DCC: variants seen among roughly 807,000 people sequenced by gnomAD.
The protein encoded by DCC is netrin receptor DCC.
A neutral mutation model predicts 172.5 loss-of-function variants in DCC; 58 were observed. The ratio of observed to expected loss-of-function variants is 0.34; its 90% CI spans 0.27 to 0.42. The LOEUF (loss-of-function observed/expected upper bound fraction) is 0.42, where lower values mean the gene tolerates loss of function less well. DCC is among the 10% of genes least tolerant of loss of function. DCC has a pLI of 1.00. For missense variants in DCC, 1,740 were observed against 1,791.0 expected, an observed-to-expected ratio of 0.97 and a Z score of 0.51; for synonymous variants, 709 against 644.5, an observed-to-expected ratio of 1.10 and a Z score of -1.52.
chr18:53,086,013 C>CTTATTATTATTATTATTA, intron 7 of DCC, among the ~76,000 whole-genome samples: 1 of 16,370 alleles, frequency 6.1e-5, no homozygotes, highest in South Asian at 1.3e-3. Context: ...TCTCCTTCTC[C>CTTATTATTATTATTATTA]TTCTCCCTCT....
At chr18:53,403,479 G>A (rs1909452396) in intron 19 of DCC, among the ~76,000 whole-genome samples, 1 of 152,122 alleles carries the variant, frequency 6.6e-6, no homozygotes, top group Non-Finnish European at 1.5e-5. Context: ...TAACATCAAT[G>A]CCTAATTAAA....
intron 6 of DCC, among the ~76,000 whole-genome samples, chr18:53,064,992 T>C (rs1309296492): frequency 6.6e-6 from 1 of 152,222 alleles, no homozygotes; most frequent in Non-Finnish European, 1.5e-5. Context: ...CCAATTTAAA[T>C]TCTTCTTTTA....
chr18:53,376,970 A>G (rs913201778), intron 15 of DCC, among the ~76,000 whole-genome samples: 3 of 152,272 alleles, frequency 2.0e-5, no homozygotes, highest in Admixed American at 1.3e-4. Context: ...GACAATTGCA[A>G]TAGCTTCTGT....
intron 5 of DCC, among the ~76,000 whole-genome samples, chr18:53,010,041 A>G (rs2041705880): frequency 6.6e-6 from 1 of 151,992 alleles, no homozygotes; most frequent in Non-Finnish European, 1.5e-5. Flanking sequence ...CTCAAAATTG[A>G]TTAGACCCAC....
At chr18:52,906,715 C>T (rs748405257) in intron 3 of DCC, among the ~76,000 whole-genome samples, 1 of 151,646 alleles carries the variant, frequency 6.6e-6, no homozygotes, top group Non-Finnish European at 1.5e-5. Context: ...AAATTTGCAA[C>T]GTTAAGAACA....
intron 1 of DCC, among the ~76,000 whole-genome samples, chr18:52,494,927 A>G (rs1029261403): frequency 2.0e-5 from 3 of 152,096 alleles, no homozygotes; most frequent in African/African-American, 7.2e-5. Context: ...TTGAGCATCC[A>G]CTGTCTTCCT....
At chr18:52,908,232 C>A (rs138026867) in intron 3 of DCC, among the ~76,000 whole-genome samples, 3 of 152,164 alleles carry the variant, frequency 2.0e-5, no homozygotes, top group Non-Finnish European at 4.4e-5. Context: ...TTTCCAGGTG[C>A]TTTAATGAGG....
chr18:53,252,743 C>A (rs1003665916), intron 12 of DCC, among the ~76,000 whole-genome samples: 1 of 151,880 alleles, frequency 6.6e-6, no homozygotes, highest in Non-Finnish European at 1.5e-5. Context: ...GAGCGGAGCA[C>A]ATAAAAGACC....
chr18:52,869,141 G>T (rs1426344085), intron 2 of DCC, among the ~76,000 whole-genome samples: 1 of 152,238 alleles, frequency 6.6e-6, no homozygotes, highest in Non-Finnish European at 1.5e-5. Flanking sequence ...AACTGTTAGT[G>T]TTATAGCTCT....
At chr18:53,028,384 C>T (rs2041985566) in intron 5 of DCC, among the ~76,000 whole-genome samples, 1 of 152,084 alleles carries the variant, frequency 6.6e-6, no homozygotes, top group African/African-American at 2.4e-5. Context: ...CCTGTCCCCC[C>T]AGCTAAACAG....
At chr18:52,581,820 T>C (rs2033557437) in intron 1 of DCC, among the ~76,000 whole-genome samples, 1 of 152,170 alleles carries the variant, frequency 6.6e-6, no homozygotes, top group Non-Finnish European at 1.5e-5. Flanking sequence ...TCTTTGGAAG[T>C]TGCACTAACA....
chr18:53,419,309 G>T (rs1910496626), intron 21 of DCC, among the ~76,000 whole-genome samples: 1 of 151,916 alleles, frequency 6.6e-6, no homozygotes, highest in African/African-American at 2.4e-5. Context: ...CCATTACACT[G>T]TTCATTTAAA....
At chr18:52,391,315 A>G (rs1172719561) in intron 1 of DCC, among the ~76,000 whole-genome samples, 2 of 152,076 alleles carry the variant, frequency 1.3e-5, no homozygotes, top group Non-Finnish European at 2.9e-5. Context: ...ATGGATCTTA[A>G]TATCTAAAAT....
chr18:52,675,973 T>C (rs565564654), intron 1 of DCC, among the ~76,000 whole-genome samples: 2 of 152,356 alleles, frequency 1.3e-5, no homozygotes, highest in South Asian at 4.1e-4. Context: ...TTTCTTGGTG[T>C]TAGTTTAATT....
At chr18:52,808,415 T>C (rs2038128806) in intron 2 of DCC, among the ~76,000 whole-genome samples, 1 of 150,812 alleles carries the variant, frequency 6.6e-6, no homozygotes, top group Non-Finnish European at 1.5e-5. Context: ...TTTTTTTTTT[T>C]CCTACAACCT....
At chr18:53,487,729 T>C (rs1032870593) in intron 26 of DCC, among the ~76,000 whole-genome samples, 6 of 152,262 alleles carry the variant, frequency 3.9e-5, no homozygotes, top group African/African-American at 1.4e-4. Context: ...ATAAATCGTC[T>C]AGATACAGCA....
chr18:53,525,134 A>G (rs891285591), intron 27 of DCC, among the ~76,000 whole-genome samples: 1 of 152,082 alleles, frequency 6.6e-6, no homozygotes, highest in African/African-American at 2.4e-5. Context: ...AATTACTAGT[A>G]TCATTCCTAT....
At chr18:53,123,028 G>T (rs1242288972) in intron 7 of DCC, among the ~76,000 whole-genome samples, 1 of 152,010 alleles carries the variant, frequency 6.6e-6, no homozygotes. Context: ...ACACTGTACA[G>T]ATCATCGTGA....
At position 52,630,999 on chromosome 18, in the gene DCC, G is replaced by T. The variant is rs1165066730; in HGVS notation, c.92-121055G>T. Among the ~76,000 whole-genome samples, 8 of 152,220 alleles carry T rather than the reference G, an allele frequency of 5.3e-5. No individual in the cohort carries two copies. In the East Asian group the frequency reaches 1.5e-3, roughly 29 times the overall value. ...CAATCAATCCCAGTGCTGCACCCTG[G>T]GGAATAGACTCTCACAGCAAAACTT... On this transcript the variant is annotated intron_variant, in intron 1 of 28. Coordinates refer to ENST00000442544, the MANE Select transcript of DCC (RefSeq NM_005215.4).
Sources: gnomAD v4.1 joint callset for allele counts (sites outside exome capture counted in the v4.1 genomes callset) on GRCh38, gnomAD v4.1.1 for gene constraint, MANE v1.5 for transcripts, NCBI Gene and HGNC (gene_info 2026-07-23, HGNC 2026-07-21) for gene names.